The following MALT1 variants were observed in gnomAD, a reference collection of about 807,000 sequenced individuals.
MALT1 encodes mucosa-associated lymphoid tissue lymphoma translocation protein 1.
MALT1 carries 36 observed loss-of-function variants against 85.5 expected under a neutral mutation model. The observed-to-expected ratio is 0.42, with a 90% CI of 0.32 to 0.56. The LOEUF (loss-of-function observed/expected upper bound fraction) is 0.56. MALT1 is among the 20% of genes least tolerant of loss of function. The pLI, the probability that MALT1 is intolerant of heterozygous loss-of-function variation, is 0.10. For missense variants in MALT1, 716 were observed against 981.6 expected, an observed-to-expected ratio of 0.73 and a Z score of 3.62; for synonymous variants, 359 against 361.3, an observed-to-expected ratio of 0.99 and a Z score of 0.07.
At chr18:58,696,116 TC>T in intron 2 of MALT1, among the ~76,000 whole-genome samples, 1 of 152,236 alleles carries the variant, frequency 6.6e-6, no homozygotes, top group Non-Finnish European at 1.5e-5. Context: ...AATAATTTTC[TC>T]CCCCACCCAA....
In MALT1 at chr18:58,707,145, G is replaced by A. The variant is rs891999176; in HGVS notation, c.650-2233G>A. ...TGGTAAGCCCATCGAATGCACTGAT[G>A]AGTGGAAATCTTGATATTTTAAATT... On this transcript the variant is annotated intron_variant, in intron 4 of 16. Transcript: ENST00000649217. Among the ~76,000 whole-genome samples the A allele has an allele frequency of 7.9e-5, 12 of 151,706 alleles. 1 individual carries two copies. Among genetic ancestry groups the A allele is most frequent in the Non-Finnish European group, 2.9e-5 (2 of 67,970 alleles).
Position 58,748,080 on chromosome 18 carries a change from G to T in MALT1, c.*238G>T, listed in dbSNP as rs563141244. ...AGTTCTATACAAATGAAGTATGGAGGTGTGTATGTTTATATGTATATAACA... is the reference window on the plus strand; with the variant it reads ...AGTTCTATACAAATGAAGTATGGAGTTGTGTATGTTTATATGTATATAACA... On this transcript the variant is annotated 3_prime_UTR_variant, in exon 17 of 17. Coordinates refer to ENST00000649217, the MANE Select transcript of MALT1 (RefSeq NM_006785.4). 1.2e-5 allele frequency: 6 copies of T among 500,926 alleles called. No individual in the cohort carries two copies. In the South Asian group the frequency reaches 1.3e-4, roughly 11 times the overall value. 31.0% of individuals were successfully genotyped at this position (500,926 alleles called of 1,614,324 possible).
chr18:58,717,329 C>T lies in MALT1; in HGVS notation c.1018+1362C>T, dbSNP rs952503188. On this transcript the variant is annotated intron_variant, in intron 9 of 16. Transcript: ENST00000649217. ...GGTGAGCTGAGATCGTGCCATTGCACTTCAGCTGGGCAACGAGAGTGAAAC... is the reference window on the plus strand; with the variant it reads ...GGTGAGCTGAGATCGTGCCATTGCATTTCAGCTGGGCAACGAGAGTGAAAC... 1.1e-4 allele frequency among the ~76,000 whole-genome samples: 17 copies of T among 148,776 alleles called. No homozygotes were observed. The Admixed American group carries it at 1.1e-3, about 10-fold the overall frequency.
intron 4 of MALT1, among the ~76,000 whole-genome samples, chr18:58,703,662 T>C (rs556539004): frequency 6.6e-6 from 1 of 152,234 alleles, no homozygotes; most frequent in East Asian, 1.9e-4. Flanking sequence ...GAGAACAGCA[T>C]GGGGGAAACT....
intron 3 of MALT1, 60 bp downstream of exon 3, chr18:58,696,547 T>G: frequency 7.5e-7 from 1 of 1,339,828 alleles, no homozygotes. Flanking sequence ...GAGAATTAAT[T>G]AACATTATCG....
chr18:58,681,990 T>G lies in MALT1; in HGVS notation c.376+654T>G, dbSNP rs563061721. On this transcript the variant is annotated intron_variant, in intron 2 of 16. Coordinates refer to ENST00000649217, the MANE Select transcript of MALT1 (RefSeq NM_006785.4). ...GGTGGAGGGCAGGAGGGACATGCCA[T>G]TGAAGTTGCCTGGTTGTGGCAGCAC... Among the ~76,000 whole-genome samples, 12 of 152,262 alleles carry G rather than the reference T, an allele frequency of 7.9e-5. No homozygotes were observed. In the East Asian group the frequency reaches 2.3e-3, roughly 29 times the overall value.
intron 1 of MALT1, among the ~76,000 whole-genome samples, chr18:58,678,326 T>C (rs1014246243): frequency 6.6e-6 from 1 of 152,222 alleles, no homozygotes; most frequent in African/African-American, 2.4e-5. Context: ...CACTATTATG[T>C]TTCACCTCTT....
At chr18:58,693,587 A>G (rs553395552) in intron 2 of MALT1, among the ~76,000 whole-genome samples, 40 of 152,348 alleles carry the variant, frequency 2.6e-4, no homozygotes, top group African/African-American at 7.7e-4. Context: ...TTAGGGGCCA[A>G]TGCAGCTGAC....
At position 58,703,050 on chromosome 18, in the gene MALT1, G is replaced by A. The variant is rs145811312; in HGVS notation, c.649+2459G>A. ...TTAGTCTTCCGTAAACTCAAATGAC[G>A]TTAAGGTTGTTGAGAAATAAAATAT... On this transcript the variant is annotated intron_variant, in intron 4 of 16. Coordinates refer to ENST00000649217, the MANE Select transcript of MALT1 (RefSeq NM_006785.4). 8.3e-4 allele frequency among the ~76,000 whole-genome samples: 127 copies of A among 152,224 alleles called. No homozygotes were observed. The East Asian group carries it at 0.023, about 28-fold the overall frequency.
intron 10 of MALT1, among the ~76,000 whole-genome samples, chr18:58,727,679 A>G (rs1339182696): frequency 7.1e-6 from 1 of 141,522 alleles, no homozygotes; most frequent in Non-Finnish European, 1.5e-5. Flanking sequence ...GCTGTAGTGT[A>G]GTAAAACAGT....
Position 58,734,003 on chromosome 18 carries a change from A to T in MALT1, c.1401-304A>T, listed in dbSNP as rs748585954. 84 of 1,188,440 alleles carry T rather than the reference A, an allele frequency of 7.1e-5. 1 individual carries two copies. Among genetic ancestry groups the T allele is most frequent in the South Asian group, 3.9e-4 (15 of 38,160 alleles). 73.6% of individuals were successfully genotyped at this position (1,188,440 alleles called of 1,614,324 possible). On this transcript the variant is annotated intron_variant, in intron 11 of 16. Transcript: ENST00000649217. The stretch of plus-strand genomic sequence containing the variant: ...GAGGTTTGGATCCCATTTGTCTGCC[A>T]TTGCCTTTCTAAGGAGTAGAACCAA...
intron 2 of MALT1, among the ~76,000 whole-genome samples, chr18:58,682,698 A>C (rs1261140813): frequency 1.3e-5 from 2 of 152,228 alleles, no homozygotes; most frequent in Non-Finnish European, 2.9e-5. Context: ...AACCACATGG[A>C]TCACCAAACA....
intron 2 of MALT1, among the ~76,000 whole-genome samples, chr18:58,687,658 G>C (rs1437477887): frequency 6.6e-6 from 1 of 152,224 alleles, no homozygotes; most frequent in African/African-American, 2.4e-5. Flanking sequence ...GGACTTCAGT[G>C]TATGGAATAG....
At chr18:58,730,754 G>A (rs1481453176) in intron 10 of MALT1, among the ~76,000 whole-genome samples, 1 of 152,182 alleles carries the variant, frequency 6.6e-6, no homozygotes, top group African/African-American at 2.4e-5. Context: ...CACCAGAAAT[G>A]AATGAGGGTT....
rs762925433 is a variant in MALT1 at position 58,714,083 on chromosome 18, A to G, written c.959A>G (p.Asp320Gly). ...TCTATTTTCTCTTACTTTGTTTTAGATGAATTAAATAATCTTGGTCATCCT... is the reference window on the plus strand; with the variant it reads ...TCTATTTTCTCTTACTTTGTTTTAGGTGAATTAAATAATCTTGGTCATCCT... ...RTDEAVECTEDELNNLGHPDN... is the reference protein window; with the variant it reads ...RTDEAVECTEGELNNLGHPDN... Residue 320 changes from aspartate (D) to glycine (G), a missense_variant and splice_region_variant, in exon 8 of 17, where the codon GAT becomes GGT. By Grantham distance (94) the Asp-to-Gly change is moderately conservative (BLOSUM62 -1). Around this residue, in one of 4 missense-constraint regions of MALT1, gnomAD observed 290 missense variants for 380.5 expected, o/e 0.76. Transcript: ENST00000649217. The G allele has an allele frequency of 8.9e-6, 11 of 1,238,034 alleles. No homozygotes were observed. The highest frequency in any genetic ancestry group is 1.2e-5 in the Non-Finnish European group (10 of 860,138). The allele number at this position is 1,238,034 out of a possible 1,614,324, so 76.7% of individuals were successfully genotyped here.
At chr18:58,697,575 T>G (rs2054608350) in intron 3 of MALT1, among the ~76,000 whole-genome samples, 2 of 152,238 alleles carry the variant, frequency 1.3e-5, no homozygotes. Flanking sequence ...TATCATATTT[T>G]CTCAATTGCA....
At chr18:58,709,231 A>G in intron 4 of MALT1, 147 bp from the exon 5 acceptor site, 3 of 511,692 alleles carry the variant, frequency 5.9e-6, no homozygotes, top group South Asian at 3.9e-5. Flanking sequence ...TAATATTTCT[A>G]TGAGTGCTAT....
Position 58,681,197 on chromosome 18 carries a change from T to C in MALT1, c.237T>C (p.Leu79=). ...LSCLDLEQCS[L]KVLEPEGSPS... ...GCCTAGACCTGGAGCAGTGTTCTCT[T>C]AAGGTACTGGAGCCTGAAGGAAGCC... Residue 79 remains leucine, a synonymous_variant, in exon 2 of 17, where the codon CTT becomes CTC. Coordinates refer to ENST00000649217, the MANE Select transcript of MALT1 (RefSeq NM_006785.4). The C allele has an allele frequency of 1.2e-6, 2 of 1,614,090 alleles. No homozygotes were observed. The highest frequency in any genetic ancestry group is 1.7e-6 in the Non-Finnish European group (2 of 1,180,008).
intron 2 of MALT1, among the ~76,000 whole-genome samples, chr18:58,685,473 T>A (rs925953172): frequency 6.6e-6 from 1 of 152,228 alleles, no homozygotes; most frequent in Non-Finnish European, 1.5e-5. Flanking sequence ...TGACCAAGTT[T>A]CTTTTCTGGA....
Sources: allele counts gnomAD v4.1 joint callset (sites outside exome capture counted in the v4.1 genomes callset), GRCh38; gene constraint gnomAD v4.1.1; regional missense constraint gnomAD v4.1.1; transcripts MANE v1.5; gene names NCBI Gene and HGNC (gene_info 2026-07-23, HGNC 2026-07-21).